CCDC85A: variants seen among roughly 807,000 people sequenced by gnomAD.
CCDC85A encodes coiled-coil domain-containing protein 85A.
In CCDC85A, 38 loss-of-function variants were observed where a neutral mutation model predicts 50.2. That is an observed-to-expected ratio of 0.76 (90% CI 0.58 to 0.99). The LOEUF (loss-of-function observed/expected upper bound fraction) is 0.99. Ranked by LOEUF, CCDC85A falls within the 50% of genes least tolerant of loss-of-function variation. The probability of loss-of-function intolerance (pLI) is 0.00; values close to 1 mark genes in which losing one functional copy is unlikely to be tolerated. For missense variants in CCDC85A, 820 were observed against 742.0 expected (o/e 1.11, Z -1.22); for synonymous variants, 366 against 301.4 (o/e 1.21, Z -2.22).
At chr2:56,206,247 C>T (rs909211672) in intron 2 of CCDC85A, among the ~76,000 whole-genome samples, 2 of 151,934 alleles carry the variant, frequency 1.3e-5, no homozygotes, top group African/African-American at 4.8e-5. Flanking sequence ...TTCTTTAAAC[C>T]TTGTGATTAA....
Position 56,184,456 on chromosome 2 carries a change from G to C in CCDC85A, c.-169G>C, listed in dbSNP as rs907005361. 1.1e-5 allele frequency: 8 copies of C among 731,028 alleles called. No individual in the cohort carries two copies. The highest frequency in any genetic ancestry group is 1.5e-5 in the Non-Finnish European group (8 of 538,894). The allele number at this position is 731,028 out of a possible 1,614,324, so 45.3% of individuals were successfully genotyped here. On this transcript the variant is annotated 5_prime_UTR_variant, in exon 1 of 6. Coordinates refer to ENST00000407595, the MANE Select transcript of CCDC85A (RefSeq NM_001080433.2). ...CGCGCGCGCGGGGATGGCGAGGTAG[G>C]ATGGCCACCCAGCGCGACCCCCGCC... is the stretch of plus-strand genomic sequence containing the variant.
intron 5 of CCDC85A, among the ~76,000 whole-genome samples, chr2:56,379,167 T>G (rs915527988): frequency 3.9e-5 from 6 of 152,192 alleles, no homozygotes; most frequent in Non-Finnish European, 8.8e-5. Flanking sequence ...ATTTTCACTA[T>G]AAGGAGCCAG....
intron 2 of CCDC85A, among the ~76,000 whole-genome samples, chr2:56,248,883 C>A (rs185425808): frequency 4.3e-4 from 65 of 152,202 alleles, no homozygotes; most frequent in African/African-American, 1.4e-3. Flanking sequence ...GAATTCATGT[C>A]AGATAGTATG....
At chr2:56,233,530 A>G (rs1255191949) in intron 2 of CCDC85A, among the ~76,000 whole-genome samples, 4 of 152,214 alleles carry the variant, frequency 2.6e-5, no homozygotes, top group African/African-American at 9.6e-5. Flanking sequence ...CAATATGTAA[A>G]TGAATGGGTA....
intron 5 of CCDC85A, among the ~76,000 whole-genome samples, chr2:56,379,505 T>C (rs1676486547): frequency 6.6e-6 from 1 of 152,170 alleles, no homozygotes; most frequent in South Asian, 2.1e-4. Context: ...ACTAATGAAT[T>C]CCATTGATTA....
At chr2:56,241,727 T>G (rs1393907647) in intron 2 of CCDC85A, among the ~76,000 whole-genome samples, 1 of 152,224 alleles carries the variant, frequency 6.6e-6, no homozygotes, top group Non-Finnish European at 1.5e-5. Context: ...TCCATTTATC[T>G]GTTGGTGGAC....
At chr2:56,374,011 T>G (rs1676210951) in intron 4 of CCDC85A, among the ~76,000 whole-genome samples, 2 of 152,198 alleles carry the variant, frequency 1.3e-5, no homozygotes, top group African/African-American at 4.8e-5. Context: ...TTCCCTTCCA[T>G]TAGATGTATT....
rs1292988447 is a variant in CCDC85A, at chr2:56,364,957, C to T, written c.1318-7387C>T. On this transcript the variant is annotated intron_variant, in intron 3 of 5. Coordinates refer to ENST00000407595, the MANE Select transcript of CCDC85A (RefSeq NM_001080433.2). ...CACTATTACCAGATCAATCTGTCCA[C>T]CACCAATCAGTTTCTGTTACATCTG... Among the ~76,000 whole-genome samples, 4 of 152,192 alleles carry T rather than the reference C, an allele frequency of 2.6e-5. No homozygotes were observed. The South Asian group carries it at 6.2e-4, about 24-fold the overall frequency.
chr2:56,201,608 T>C (rs906374017), intron 2 of CCDC85A, among the ~76,000 whole-genome samples: 3 of 152,144 alleles, frequency 2.0e-5, no homozygotes, highest in Non-Finnish European at 2.9e-5. Flanking sequence ...TCTTAAAAAA[T>C]GTTAAAAAGC....
chr2:56,207,455 C>T (rs964224456), intron 2 of CCDC85A, among the ~76,000 whole-genome samples: 67 of 152,166 alleles, frequency 4.4e-4, no homozygotes, highest in African/African-American at 1.5e-3. Flanking sequence ...TAGTGTTACC[C>T]AGTGACACCA....
Position 56,193,315 on chromosome 2 carries a change from A to G in CCDC85A, c.1115A>G (p.His372Arg), listed in dbSNP as rs2103827740. Residue 372 changes from histidine (H) to arginine (R), a missense_variant, in exon 2 of 6, where the codon CAC becomes CGC. By Grantham distance (29) the His-to-Arg change is conservative (BLOSUM62 0). Transcript: ENST00000407595. Reference protein sequence around the residue: ...LKQHYGGSPDHKHGGGSGGSG... With the variant: ...LKQHYGGSPDRKHGGGSGGSG... ...CAACATTATGGAGGGAGCCCTGATC[A>G]CAAACACGGAGGAGGCAGTGGAGGA... 6.2e-7 allele frequency: 1 copy of G among 1,613,518 alleles called. No individual in the cohort carries two copies. The highest frequency in any genetic ancestry group is 8.5e-7 in the Non-Finnish European group (1 of 1,179,644).
At chr2:56,321,245 C>T (rs970904491) in intron 2 of CCDC85A, among the ~76,000 whole-genome samples, 16 of 152,146 alleles carry the variant, frequency 1.1e-4, no homozygotes, top group Admixed American at 1.0e-3. Flanking sequence ...CAGGGATGCC[C>T]TCTCTCACCA....
At chr2:56,222,749 C>T (rs1668380047) in intron 2 of CCDC85A, among the ~76,000 whole-genome samples, 1 of 152,110 alleles carries the variant, frequency 6.6e-6, no homozygotes, top group African/African-American at 2.4e-5. Flanking sequence ...AGTAAAGAGA[C>T]AGATGTAACC....
At chr2:56,367,227 C>T (rs1675839495) in intron 3 of CCDC85A, among the ~76,000 whole-genome samples, 1 of 152,202 alleles carries the variant, frequency 6.6e-6, no homozygotes, top group African/African-American at 2.4e-5. Context: ...TGCCTGCCCA[C>T]AGCGTATTCT....
At position 56,184,850 on chromosome 2, in the gene CCDC85A, G is replaced by T. The variant is rs1318496023; in HGVS notation, c.226G>T (p.Glu76Ter). 2 of 1,539,500 alleles carry T rather than the reference G, an allele frequency of 1.3e-6. No individual in the cohort carries two copies. Among genetic ancestry groups the T allele is most frequent in the Admixed American group, 2.0e-5 (1 of 50,698 alleles). The change falls in exon 1 of 6, where the codon GAG becomes TAG. Residue 76 changes from glutamate (E) to a stop codon, truncating the protein, a stop_gained. Transcript: ENST00000407595. LOFTEE classifies it high-confidence loss of function. The part of the protein sequence containing the change: ...AMLDHSNLIR[E>*]VNRRLQLHLG... Reference sequence around the variant, plus strand: ...GCTGGACCACAGCAACCTCATCCGCGAGGTGAACCGCCGCCTGCAGCTGCA... The same window carrying T: ...GCTGGACCACAGCAACCTCATCCGCTAGGTGAACCGCCGCCTGCAGCTGCA...
chr2:56,272,320 G>T (rs904762113), intron 2 of CCDC85A, among the ~76,000 whole-genome samples: 1 of 151,976 alleles, frequency 6.6e-6, no homozygotes, highest in Non-Finnish European at 1.5e-5. Context: ...CACAGAGGGG[G>T]ATATAAGCCA....
chr2:56,287,779 T>G (rs1671511897), intron 2 of CCDC85A, among the ~76,000 whole-genome samples: 1 of 152,338 alleles, frequency 6.6e-6, no homozygotes, highest in South Asian at 2.1e-4. Flanking sequence ...TTTCACAGTT[T>G]GCCTGATTTT....
intron 2 of CCDC85A, among the ~76,000 whole-genome samples, chr2:56,340,205 A>G (rs1031053765): frequency 6.6e-6 from 1 of 152,234 alleles, no homozygotes; most frequent in Non-Finnish European, 1.5e-5. Flanking sequence ...TTTAGAAAAT[A>G]AAGTGTTAGC....
intron 3 of CCDC85A, among the ~76,000 whole-genome samples, chr2:56,362,006 A>T (rs1316716573): frequency 6.6e-6 from 1 of 152,138 alleles, no homozygotes; most frequent in East Asian, 1.9e-4. Context: ...TTAGACTCAC[A>T]GTGTGTTTTC....
Sources: gnomAD v4.1 joint callset for allele counts (sites outside exome capture counted in the v4.1 genomes callset) on GRCh38, gnomAD v4.1.1 for gene constraint, MANE v1.5 for transcripts, NCBI Gene and HGNC (gene_info 2026-07-23, HGNC 2026-07-21) for gene names.